Variants in EIPR1 observed in about 807,000 individuals in gnomAD.
EIPR1 encodes EARP and GARP complex-interacting protein 1.
EIPR1 carries 25 observed loss-of-function variants against 48.1 expected under a neutral mutation model. The ratio of observed to expected loss-of-function variants is 0.52; its 90% CI spans 0.38 to 0.73. The LOEUF is 0.73. EIPR1 is among the 30% of genes least tolerant of loss of function. The probability of loss-of-function intolerance (pLI) is 0.00; values close to 1 mark genes in which losing one functional copy is unlikely to be tolerated. For synonymous variants in EIPR1, 204 were observed against 201.9 expected, an observed-to-expected ratio of 1.01 and a Z score of -0.09; for missense variants, 415 against 506.2, an observed-to-expected ratio of 0.82 and a Z score of 1.73.
At chr2:3,324,816 C>T (rs1669644057) in intron 3 of EIPR1, among the ~76,000 whole-genome samples, 1 of 150,796 alleles carries the variant, frequency 6.6e-6, no homozygotes, top group Admixed American at 6.6e-5. Flanking sequence ...CCGAAGTGGC[C>T]GCTGCCGCGC....
intron 1 of EIPR1, among the ~76,000 whole-genome samples, chr2:3,375,235 TGGGGGGA>T (rs1333872297): frequency 3.2e-5 from 2 of 61,778 alleles, no homozygotes; most frequent in Admixed American, 2.6e-4. Flanking sequence ...TGTTGTGGGG[TGGGGGGA>T]GGGGGGAGGG....
In EIPR1 at chr2:3,210,555, C is replaced by T. The variant is rs568001375; in HGVS notation, c.516+3594G>A. ...TAGACAAGAAAGCAACATCCGCAGG[C>T]GAGTCGAGGAGGTCCCGGTGCTGCT... On this transcript the variant is annotated intron_variant, in intron 5 of 8. Coordinates refer to ENST00000382125, the MANE Select transcript of EIPR1 (RefSeq NM_003310.5). Among the ~76,000 whole-genome samples the T allele has an allele frequency of 1.1e-4, 16 of 151,444 alleles. No homozygotes were observed. The East Asian group carries it at 2.1e-3, about 20-fold the overall frequency.
intron 1 of EIPR1, among the ~76,000 whole-genome samples, chr2:3,369,501 C>G (rs1368099968): frequency 6.6e-6 from 1 of 152,196 alleles, no homozygotes; most frequent in Non-Finnish European, 1.5e-5. Context: ...GGGTGACAGA[C>G]AACACCTGGA....
chr2:3,216,074 A>C (rs546262645), intron 4 of EIPR1, among the ~76,000 whole-genome samples: 1 of 152,336 alleles, frequency 6.6e-6, no homozygotes, highest in South Asian at 2.1e-4. Context: ...TTTGGAGCAA[A>C]ATGATCACAC....
intron 8 of EIPR1, among the ~76,000 whole-genome samples, chr2:3,190,429 CCTGCCAGTGGTCAA>C (rs1257035380): frequency 2.0e-5 from 3 of 152,228 alleles, no homozygotes; most frequent in Non-Finnish European, 4.4e-5. Context: ...ACAAAGTGGA[CCTGCCAGTGGTCAA>C]CTGCTGTTGT....
At chr2:3,219,567 G>C (rs1665794100) in intron 4 of EIPR1, among the ~76,000 whole-genome samples, 1 of 151,272 alleles carries the variant, frequency 6.6e-6, no homozygotes, top group Non-Finnish European at 1.5e-5. Context: ...AGCATTCACA[G>C]TGAGTCAGGT....
intron 3 of EIPR1, among the ~76,000 whole-genome samples, chr2:3,327,217 C>G (rs1479773632): frequency 3.3e-5 from 5 of 152,186 alleles, no homozygotes; most frequent in Non-Finnish European, 1.5e-5. Flanking sequence ...ACAGTCTCAT[C>G]CTGTCGCCCA....
At chr2:3,350,369 G>A (rs548523786) in intron 2 of EIPR1, among the ~76,000 whole-genome samples, 22 of 152,156 alleles carry the variant, frequency 1.4e-4, no homozygotes, top group East Asian at 3.9e-4. Flanking sequence ...TCACTGTCAC[G>A]AGAACATCAA....
chr2:3,275,481 T>C, intron 3 of EIPR1, among the ~76,000 whole-genome samples: 1 of 152,146 alleles, frequency 6.6e-6, no homozygotes, highest in East Asian at 1.9e-4. Context: ...AAAATTAAAA[T>C]AGCAAGGTTA....
chr2:3,351,831 G>A (rs977922002), intron 2 of EIPR1, among the ~76,000 whole-genome samples: 1 of 152,136 alleles, frequency 6.6e-6, no homozygotes, highest in African/African-American at 2.4e-5. Context: ...AGTTACCTGT[G>A]GTCAAGTGTA....
chr2:3,249,733 G>A (rs1350965958), intron 4 of EIPR1, among the ~76,000 whole-genome samples: 1 of 152,170 alleles, frequency 6.6e-6, no homozygotes, highest in Admixed American at 6.5e-5. Flanking sequence ...AGGTCCAAAG[G>A]CCCAGGAGGA....
chr2:3,277,485 A>G (rs1003931313), intron 3 of EIPR1, among the ~76,000 whole-genome samples: 1 of 152,236 alleles, frequency 6.6e-6, no homozygotes, highest in Admixed American at 6.5e-5. Flanking sequence ...TGGCAAGACC[A>G]TTCTGCAAAC....
chr2:3,295,068 C>A (rs1210095938), intron 3 of EIPR1, among the ~76,000 whole-genome samples: 4 of 137,890 alleles, frequency 2.9e-5, no homozygotes, highest in Admixed American at 7.2e-5. Context: ...TCTCCACACA[C>A]ACCTCCATCC....
chr2:3,374,333 T>A (rs1659800919), intron 1 of EIPR1, among the ~76,000 whole-genome samples: 1 of 152,026 alleles, frequency 6.6e-6, no homozygotes, highest in South Asian at 2.1e-4. Flanking sequence ...GGACTTCATG[T>A]CTAAAACACC....
chr2:3,262,130 A>T (rs940594293), intron 3 of EIPR1: 1 of 152,364 alleles, frequency 6.6e-6, no homozygotes, highest in Non-Finnish European at 1.5e-5. Context: ...CGTCAAATGC[A>T]CGCTGTCCTA....
intron 1 of EIPR1, among the ~76,000 whole-genome samples, chr2:3,369,709 G>T (rs992206184): frequency 6.6e-6 from 1 of 152,232 alleles, no homozygotes; most frequent in Non-Finnish European, 1.5e-5. Context: ...GCCCAGGATT[G>T]CTTAGGTAAA....
chr2:3,196,985 T>C lies in EIPR1; in HGVS notation c.549A>G (p.Gly183=), dbSNP rs775560546. The part of the protein sequence containing the change: ...LASSASLEGK[G]QLKFTSGRWS... ...ACCGTCCTGAGGTGAACTTCAGTTG[T>C]CCCTTCCCTTCCAGGGACGCTGAGC... Residue 183 remains glycine (G), a synonymous_variant, in exon 6 of 9, where the codon GGA becomes GGG. Coordinates refer to ENST00000382125, the MANE Select transcript of EIPR1 (RefSeq NM_003310.5). 6.2e-7 allele frequency: 1 copy of C among 1,613,958 alleles called. No individual in the cohort carries two copies. Among genetic ancestry groups the C allele is most frequent in the South Asian group, 1.1e-5 (1 of 91,084 alleles).
At position 3,219,339 on chromosome 2, in the gene EIPR1, A is replaced by T. The variant is rs13003592; in HGVS notation, c.417-5091T>A. Reference sequence around the variant, plus strand: ...GCACACTCAACACGACCCTGGTATAATCTAGAGCATTCACAGTGACTCAGG... The same window carrying T: ...GCACACTCAACACGACCCTGGTATATTCTAGAGCATTCACAGTGACTCAGG... On this transcript the variant is annotated intron_variant, in intron 4 of 8. Transcript: ENST00000382125. Among the ~76,000 whole-genome samples the T allele has an allele frequency of 8.1e-5, 10 of 123,392 alleles. 1 individual carries two copies. The highest frequency in any genetic ancestry group is 2.7e-4 in the East Asian group (1 of 3,644). The allele number at this position is 123,392 out of a possible 152,430, so 80.9% of individuals were successfully genotyped here.
intron 5 of EIPR1, among the ~76,000 whole-genome samples, chr2:3,204,137 T>C (rs916515739): frequency 1.2e-4 from 19 of 152,230 alleles, no homozygotes; most frequent in African/African-American, 4.3e-4. Flanking sequence ...GAGACCCTGA[T>C]GGATCTCAGC....
Sources: gnomAD v4.1 joint callset for allele counts (sites outside exome capture counted in the v4.1 genomes callset) on GRCh38, gnomAD v4.1.1 for gene constraint, MANE v1.5 for transcripts, NCBI Gene and HGNC (gene_info 2026-07-23, HGNC 2026-07-21) for gene names.